Variants in POLD3 observed in about 807,000 individuals in gnomAD.
POLD3 encodes the protein DNA polymerase delta subunit 3.
Under a neutral mutation model 58.2 loss-of-function variants are expected in POLD3, and 19 were observed. That is an observed-to-expected ratio of 0.33 (90% CI 0.23 to 0.48). The LOEUF (loss-of-function observed/expected upper bound fraction) is 0.48. Ranked by LOEUF, POLD3 falls within the 20% of genes least tolerant of loss-of-function variation. The probability of loss-of-function intolerance (pLI) is 0.99; values close to 1 mark genes in which losing one functional copy is unlikely to be tolerated. For synonymous variants in POLD3, 172 were observed against 193.5 expected, an observed-to-expected ratio of 0.89 and a Z score of 0.92; for missense variants, 504 against 545.5, an observed-to-expected ratio of 0.92 and a Z score of 0.76.
At chr11:74,647,553 A>C (rs1045583550), downstream of POLD3, among the ~76,000 whole-genome samples, 2 of 152,052 alleles carry the variant, frequency 1.3e-5, no homozygotes, top group African/African-American at 4.8e-5. Context: ...TGACTTTCCC[A>C]CAGTATAGCA....
At position 74,600,710 on chromosome 11, in the gene POLD3, C is replaced by CT. The variant is rs57206403; in HGVS notation, c.117-3958dup. Among the ~76,000 whole-genome samples the CT allele has an allele frequency of 4.7e-3, 294 of 63,012 alleles. 1 individual carries two copies. Among genetic ancestry groups the CT allele is most frequent in the East Asian group, 0.014 (27 of 1,984 alleles). The allele number at this position is 63,012 out of a possible 152,430, so 41.3% of individuals were successfully genotyped here. ...TCAAAAAGTAGGCAGGAATTCTTTC[C>CT]TTTTTTTTTTTTTTTTTTTTTTTTG... On this transcript the variant is annotated intron_variant, in intron 2 of 11. Transcript: ENST00000263681.
intron 9 of POLD3, among the ~76,000 whole-genome samples, chr11:74,629,779 C>G (rs1320806382): frequency 6.6e-6 from 1 of 151,880 alleles, no homozygotes; most frequent in Non-Finnish European, 1.5e-5. Context: ...TAGTTTTAGG[C>G]TGTGGGCAAT....
intron 4 of POLD3, among the ~76,000 whole-genome samples, chr11:74,653,517 C>A (rs2033094728): frequency 6.6e-6 from 1 of 152,156 alleles, no homozygotes; most frequent in Non-Finnish European, 1.5e-5. Flanking sequence ...GTATTGTAAA[C>A]CTGAGAGCAA....
intron 4 of POLD3, among the ~76,000 whole-genome samples, chr11:74,664,903 C>T (rs1448837750): frequency 6.6e-6 from 1 of 151,924 alleles, no homozygotes; most frequent in African/African-American, 2.4e-5. Context: ...AGTTCGAGAC[C>T]AGCCTGGCCA....
chr11:74,625,618 G>T (rs1277566449), intron 8 of POLD3, 45 bp downstream of exon 8: 2 of 1,519,586 alleles, frequency 1.3e-6, no homozygotes, highest in Admixed American at 1.9e-5. Flanking sequence ...TTTACTGGGG[G>T]TGAGAAGGTC....
At chr11:74,595,421 A>G (rs987666268) in intron 2 of POLD3, 6 of 152,134 alleles carry the variant, frequency 3.9e-5, no homozygotes, top group South Asian at 2.1e-4. Context: ...GCTTGGCCAT[A>G]TCTTTGGAGA....
chr11:74,660,884 A>G (rs1157557033), intron 4 of POLD3, among the ~76,000 whole-genome samples: 1 of 151,992 alleles, frequency 6.6e-6, no homozygotes, highest in Non-Finnish European at 1.5e-5. Flanking sequence ...AGCAATGTAA[A>G]AACAGGCTAA....
At chr11:74,667,461 C>T (rs1262619284) in intron 4 of POLD3, among the ~76,000 whole-genome samples, 5 of 152,090 alleles carry the variant, frequency 3.3e-5, no homozygotes, top group South Asian at 2.1e-4. Context: ...ACCCGGGGGG[C>T]GGAGCTTGCA....
At chr11:74,648,955 A>G (rs1741885345) in intron 4 of POLD3, among the ~76,000 whole-genome samples, 1 of 152,146 alleles carries the variant, frequency 6.6e-6, no homozygotes, top group Non-Finnish European at 1.5e-5. Flanking sequence ...TCAGGAGAGG[A>G]GAGTATTAGG....
chr11:74,660,716 T>A (rs1470329967), intron 4 of POLD3, among the ~76,000 whole-genome samples: 2 of 152,164 alleles, frequency 1.3e-5, no homozygotes, highest in African/African-American at 4.8e-5. Context: ...CTCTTCCTCC[T>A]TCTCTGGCCA....
intron 9 of POLD3, among the ~76,000 whole-genome samples, chr11:74,632,605 A>G (rs2032625015): frequency 6.6e-6 from 1 of 152,184 alleles, no homozygotes; most frequent in African/African-American, 2.4e-5. Context: ...TGGCTCATCT[A>G]ATTTGACTGA....
chr11:74,651,085 G>C lies in POLD3; in HGVS notation c.369+14810G>C, dbSNP rs550641498. ...CTTCATGGCACTTATCACTATCTCT[G>C]CTAATTGTGTATCTGTTTATCTGCT... On this transcript the variant is annotated intron_variant, in intron 4 of 4. Transcript: ENST00000524752. 2.6e-5 allele frequency among the ~76,000 whole-genome samples: 4 copies of C among 152,284 alleles called. No individual in the cohort carries two copies. The East Asian group carries it at 7.7e-4, about 29-fold the overall frequency.
At chr11:74,667,735 A>G (rs1372378248) in intron 4 of POLD3, among the ~76,000 whole-genome samples, 1 of 152,208 alleles carries the variant, frequency 6.6e-6, no homozygotes, top group Non-Finnish European at 1.5e-5. Context: ...TAAGCAACAA[A>G]AGATAAATTG....
At chr11:74,603,023 A>T (rs1466863296) in intron 2 of POLD3, among the ~76,000 whole-genome samples, 2 of 152,176 alleles carry the variant, frequency 1.3e-5, no homozygotes, top group Non-Finnish European at 2.9e-5. Flanking sequence ...TAACTTACTT[A>T]ACTTTGTTTC....
At chr11:74,618,115 A>G (rs574892231) in intron 5 of POLD3, among the ~76,000 whole-genome samples, 67 of 152,322 alleles carry the variant, frequency 4.4e-4, no homozygotes, top group African/African-American at 1.6e-3. Flanking sequence ...ATCTAGCCCT[A>G]TCAGAGGAAG....
Position 74,629,235 on chromosome 11 carries a change from A to ATC in POLD3, c.920_921dup (p.Asp308LeufsTer11), listed in dbSNP as rs781175527. On this transcript the variant is annotated frameshift_variant, in exon 9 of 12. Transcript: ENST00000263681. LOFTEE classifies it high-confidence loss of function. The stretch of plus-strand genomic sequence containing the variant: ...GCAACAGGGGGAAGCGAGTAGCATT[A>ATC]TCTGATGATGAGACAAAGGAAACTG... The ATC allele has an allele frequency of 1.2e-6, 2 of 1,602,460 alleles. No homozygotes were observed. Among genetic ancestry groups the ATC allele is most frequent in the Non-Finnish European group, 1.7e-6 (2 of 1,172,666 alleles).
chr11:74,642,902 G>C lies in POLD3; in HGVS notation c.*2136G>C. 3 of 985,152 alleles carry C rather than the reference G, an allele frequency of 3.0e-6. No individual in the cohort carries two copies. The highest frequency in any genetic ancestry group is 3.6e-6 in the Non-Finnish European group (3 of 829,790). The allele number at this position is 985,152 out of a possible 1,614,324, so 61.0% of individuals were successfully genotyped here. On this transcript the variant is annotated 3_prime_UTR_variant, in exon 12 of 12. Transcript: ENST00000263681. Reference sequence around the variant, plus strand: ...GCCTTCATCGTTTTTTTCAGCACTGGGGAAATGTTAGTTTCAGCCAACCTC... The same window carrying C: ...GCCTTCATCGTTTTTTTCAGCACTGCGGAAATGTTAGTTTCAGCCAACCTC...
chr11:74,600,233 T>G (rs1032694052), intron 2 of POLD3, among the ~76,000 whole-genome samples: 2 of 152,134 alleles, frequency 1.3e-5, no homozygotes, highest in Admixed American at 1.3e-4. Context: ...CATGAGCCAC[T>G]GTGCCCAGCC....
intron 1 of POLD3, 161 bp downstream of exon 1, chr11:74,592,879 C>T (rs1591282037): frequency 2.1e-6 from 3 of 1,454,462 alleles, no homozygotes; most frequent in East Asian, 2.5e-5. Context: ...CCAGAGCGAG[C>T]GAGGACTCGT....
Sources: gnomAD v4.1 joint callset for allele counts (sites outside exome capture counted in the v4.1 genomes callset) on GRCh38, gnomAD v4.1.1 for gene constraint, MANE v1.5 for transcripts, NCBI Gene and HGNC (gene_info 2026-07-23, HGNC 2026-07-21) for gene names.